RHOBTB3: variants seen among roughly 807,000 people sequenced by gnomAD.
The protein encoded by RHOBTB3 is rho-related BTB domain-containing protein 3.
A neutral mutation model predicts 67.2 loss-of-function variants in RHOBTB3; 47 were observed. The observed-to-expected ratio is 0.70, with a 90% CI of 0.55 to 0.89. RHOBTB3 has a LOEUF of 0.89. RHOBTB3 is among the 40% of genes least tolerant of loss of function. RHOBTB3 has a pLI of 0.00. For synonymous variants in RHOBTB3, 273 were observed against 274.2 expected (o/e 1.00, Z 0.04); for missense variants, 631 against 750.0 (o/e 0.84, Z 1.85).
At chr5:95,791,132 A>G (rs1002539041) in intron 11 of RHOBTB3, among the ~76,000 whole-genome samples, 1 of 152,124 alleles carries the variant, frequency 6.6e-6, no homozygotes, top group Non-Finnish European at 1.5e-5. Flanking sequence ...CAGCTTGAAA[A>G]GTTCTCAAAT....
Position 95,731,345 on chromosome 5 carries a change from C to T in RHOBTB3, c.-338C>T. The T allele has an allele frequency of 1.8e-6, 2 of 1,116,810 alleles. No individual in the cohort carries two copies. Among genetic ancestry groups the T allele is most frequent in the Non-Finnish European group, 2.2e-6 (2 of 917,560 alleles). 69.2% of individuals were successfully genotyped at this position (1,116,810 alleles called of 1,614,324 possible). On this transcript the variant is annotated 5_prime_UTR_variant, in exon 1 of 12. Coordinates refer to ENST00000379982, the MANE Select transcript of RHOBTB3 (RefSeq NM_014899.4). The stretch of plus-strand genomic sequence containing the variant: ...GAGCAGCGGCAGCGGCAGCAGGAGG[C>T]GACAGCTGCCAGCCGAGGAGGCGCG...
intron 8 of RHOBTB3, among the ~76,000 whole-genome samples, chr5:95,776,106 T>C (rs10042637): frequency 0.65 from 98,549 of 152,096 alleles, 32,592 homozygotes; most frequent in African/African-American, 0.76. Context: ...GATGATTATC[T>C]ATCTAAATGT....
chr5:95,778,464 G>A (rs1484716618), intron 8 of RHOBTB3, among the ~76,000 whole-genome samples: 1 of 151,206 alleles, frequency 6.6e-6, no homozygotes, highest in Non-Finnish European at 1.5e-5. Flanking sequence ...TGGAACCCAT[G>A]GATTCGGAGA....
intron 4 of RHOBTB3, among the ~76,000 whole-genome samples, chr5:95,751,999 C>T (rs911076944): frequency 6.6e-6 from 1 of 152,142 alleles, no homozygotes; most frequent in African/African-American, 2.4e-5. Flanking sequence ...TTCTTTGTGG[C>T]AGAATGATTA....
chr5:95,780,381 T>C lies in RHOBTB3; in HGVS notation c.1412T>C (p.Phe471Ser), dbSNP rs758619162. ...IPVYGVSKET[F>S]LSFLEYLYTD... ...GTTTATGGTGTTTCCAAAGAGACTT[T>C]CTTGTCATTTTTAGAATACCTGTAC... The change falls in exon 9 of 12, where the codon TTC becomes TCC. Residue 471 changes from phenylalanine to serine, a missense_variant. Transcript: ENST00000379982. The C allele has an allele frequency of 1.2e-6, 2 of 1,614,122 alleles. No individual in the cohort carries two copies. The highest frequency in any genetic ancestry group is 1.1e-5 in the South Asian group (1 of 91,084).
Position 95,794,269 on chromosome 5 carries a change from C to A in RHOBTB3, c.*1095C>A. On this transcript the variant is annotated 3_prime_UTR_variant, in exon 12 of 12. Transcript: ENST00000379982. The stretch of plus-strand genomic sequence containing the variant: ...TGGTAAGAGTGACTAACCAGCCTAA[C>A]TTTAATACACATGTATAAAGATGTT... The A allele has an allele frequency of 8.1e-6, 2 of 247,344 alleles. No homozygotes were observed. Among genetic ancestry groups the A allele is most frequent in the Middle Eastern group, 1.6e-3 (1 of 626 alleles). 15.3% of individuals were successfully genotyped at this position (247,344 alleles called of 1,614,324 possible). A position where few individuals can be genotyped will look rare whatever the true frequency, so the allele number is the denominator to read the frequency against.
At chr5:95,774,020 T>G (rs764617170) in intron 8 of RHOBTB3, among the ~76,000 whole-genome samples, 5 of 152,226 alleles carry the variant, frequency 3.3e-5, no homozygotes, top group Non-Finnish European at 7.3e-5. Context: ...AAACTTTAAT[T>G]TTTTCTGATT....
chr5:95,731,661 C>A lies in RHOBTB3; in HGVS notation c.-22C>A. 6.2e-7 allele frequency: 1 copy of A among 1,613,252 alleles called. No individual in the cohort carries two copies. Among genetic ancestry groups the A allele is most frequent in the Non-Finnish European group, 8.5e-7 (1 of 1,179,758 alleles). On this transcript the variant is annotated 5_prime_UTR_variant, in exon 1 of 12. Coordinates refer to ENST00000379982, the MANE Select transcript of RHOBTB3 (RefSeq NM_014899.4). ...GCCGCTGCTTTTCTCCGAGTCGCCG[C>A]CCTGCCCTTGGATTTGAGATCATGT... is the stretch of plus-strand genomic sequence containing the variant.
At chr5:95,726,965 C>T (rs926788385), upstream of RHOBTB3, among the ~76,000 whole-genome samples, 1 of 148,764 alleles carries the variant, frequency 6.7e-6, no homozygotes, top group Non-Finnish European at 1.5e-5. Context: ...CGTTTCCCCC[C>T]TTTTTTTTTT....
intron 3 of RHOBTB3, among the ~76,000 whole-genome samples, chr5:95,742,158 G>C (rs1755620048): frequency 6.6e-6 from 1 of 152,126 alleles, no homozygotes; most frequent in Non-Finnish European, 1.5e-5. Flanking sequence ...CCAAGGTCTG[G>C]GCTCTAGGAT....
At position 95,788,758 on chromosome 5, in the gene RHOBTB3, G is replaced by A; in HGVS notation, c.1624-4G>A. On this transcript the variant is annotated splice_polypyrimidine_tract_variant and splice_region_variant and intron_variant, in intron 10 of 11. Coordinates refer to ENST00000379982, the MANE Select transcript of RHOBTB3 (RefSeq NM_014899.4). ...TATTATTTCACTTTTCATTTTTCTT[G>A]CAGTTTCACCACTCTGATTGCCTTT... is the stretch of plus-strand genomic sequence containing the variant. The A allele has an allele frequency of 6.4e-7, 1 of 1,574,366 alleles. No individual in the cohort carries two copies. The highest frequency in any genetic ancestry group is 8.6e-7 in the Non-Finnish European group (1 of 1,157,840).
At chr5:95,766,039 A>G (rs950736618) in intron 7 of RHOBTB3, among the ~76,000 whole-genome samples, 4 of 152,006 alleles carry the variant, frequency 2.6e-5, no homozygotes, top group African/African-American at 9.7e-5. Flanking sequence ...TTCCATGTGT[A>G]TGACGGTTAT....
chr5:95,722,050 T>C (rs899574087), intron 1 of RHOBTB3, among the ~76,000 whole-genome samples: 7 of 152,110 alleles, frequency 4.6e-5, no homozygotes, highest in African/African-American at 1.7e-4. Context: ...GGACCAAATG[T>C]ATTGTGTGAG....
At position 95,723,638 on chromosome 5, in the gene RHOBTB3, CAATACA is replaced by C. The variant is rs1468072585; in HGVS notation, n.133+5880_133+5885del. Among the ~76,000 whole-genome samples, 7 of 152,266 alleles carry C rather than the reference CAATACA, an allele frequency of 4.6e-5. No individual in the cohort carries two copies. The East Asian group carries it at 1.3e-3, about 29-fold the overall frequency. On this transcript the variant is annotated intron_variant and non_coding_transcript_variant, in intron 1 of 5. Transcript: ENST00000504949. ...TTATCTCCCATTAGATTAGTTAAAA[CAATACA>C]AATACATTTTTCACAGAGCTGATTT...
chr5:95,730,932 A>G (rs922153329), upstream of RHOBTB3: 1 of 462,202 alleles, frequency 2.2e-6, no homozygotes, highest in East Asian at 7.0e-5. Context: ...GAGGGGGGGA[A>G]ATCGGGTTGC....
In RHOBTB3 at chr5:95,794,522, G is replaced by A. The variant is rs1423230637; in HGVS notation, c.*1348G>A. On this transcript the variant is annotated 3_prime_UTR_variant, in exon 12 of 12. Coordinates refer to ENST00000379982, the MANE Select transcript of RHOBTB3 (RefSeq NM_014899.4). The stretch of plus-strand genomic sequence containing the variant: ...AGACTTGTTACATAGAGGGAAAATG[G>A]ACTGGGATAGAGGACAGACTGATAG... 3 of 155,866 alleles carry A rather than the reference G, an allele frequency of 1.9e-5. No homozygotes were observed. The highest frequency in any genetic ancestry group is 7.2e-5 in the African/African-American group (3 of 41,470). The allele number at this position is 155,866 out of a possible 1,614,324, so 9.7% of individuals were successfully genotyped here.
intron 8 of RHOBTB3, among the ~76,000 whole-genome samples, chr5:95,778,462 A>C (rs965081330): frequency 6.6e-6 from 1 of 151,332 alleles, no homozygotes. Flanking sequence ...TGTGGAACCC[A>C]TGGATTCGGA....
At chr5:95,731,313 G>A (rs1045446930), upstream of RHOBTB3, 6 of 1,066,440 alleles carry the variant, frequency 5.6e-6, no homozygotes, top group Non-Finnish European at 6.8e-6. Flanking sequence ...TCTGCTTAGA[G>A]GAGGAGGAGC....
upstream of RHOBTB3, among the ~76,000 whole-genome samples, chr5:95,728,873 G>A (rs565055347): frequency 5.3e-5 from 8 of 152,294 alleles, no homozygotes; most frequent in African/African-American, 1.9e-4. Context: ...AGATGGTGGT[G>A]ACAGTGACCT....
Sources: gnomAD v4.1 joint callset for allele counts (sites outside exome capture counted in the v4.1 genomes callset) on GRCh38, gnomAD v4.1.1 for gene constraint, MANE v1.5 for transcripts, NCBI Gene and HGNC (gene_info 2026-07-23, HGNC 2026-07-21) for gene names.